ABCC8: variants seen among roughly 807,000 people sequenced by gnomAD.
ABCC8 encodes the protein ATP binding cassette subfamily C member 8.
ABCC8 carries 137 observed loss-of-function variants against 188.0 expected under a neutral mutation model. The observed-to-expected ratio is 0.73, with a 90% CI of 0.63 to 0.84. The LOEUF (loss-of-function observed/expected upper bound fraction) is 0.84. ABCC8 is among the 40% of genes least tolerant of loss of function. The pLI is 0.00. For missense variants in ABCC8, 1,750 were observed against 2,072.7 expected, an observed-to-expected ratio of 0.84 and a Z score of 3.02; for synonymous variants, 797 against 846.5, an observed-to-expected ratio of 0.94 and a Z score of 1.01.
intron 10 of ABCC8, among the ~76,000 whole-genome samples, chr11:17,434,662 C>T (rs777543774): frequency 3.9e-5 from 6 of 152,000 alleles, no homozygotes; most frequent in Non-Finnish European, 5.9e-5. Context: ...GCACATTTTC[C>T]CTGGTCATGG....
chr11:17,463,388 G>A (rs1847943305), intron 4 of ABCC8, 50 bp downstream of exon 4: 1 of 1,485,526 alleles, frequency 6.7e-7, no homozygotes, highest in African/African-American at 1.4e-5. Context: ...GCAGGACAGA[G>A]GCCAGAGCCT....
chr11:17,454,332 A>T (rs1440281480), intron 6 of ABCC8, among the ~76,000 whole-genome samples: 1 of 152,186 alleles, frequency 6.6e-6, no homozygotes, highest in African/African-American at 2.4e-5. Flanking sequence ...GCCAGCCCTC[A>T]CTGCTCCCTG....
In ABCC8 at chr11:17,428,567, C is replaced by T; in HGVS notation, c.1921G>A (p.Val641Met). ...PQGPASKYQA[V>M]PLRVVNRKRP... ...GCAAGGGGAGGCCGGGCACTCACCA[C>T]CGCCTGGTACTTGCTGGCTGGGCCC... Residue 641 changes from valine (V) to methionine (M), a missense_variant and splice_region_variant, in exon 13 of 39, where the codon GTG becomes ATG. Val to Met is a conservative substitution (Grantham distance 21, BLOSUM62 1). Transcript: ENST00000389817. The T allele has an allele frequency of 2.5e-6, 4 of 1,614,060 alleles. No homozygotes were observed. The highest frequency in any genetic ancestry group is 3.4e-6 in the Non-Finnish European group (4 of 1,180,006).
intron 6 of ABCC8, among the ~76,000 whole-genome samples, chr11:17,457,387 C>A (rs1358561052): frequency 6.6e-6 from 1 of 152,172 alleles, no homozygotes; most frequent in Non-Finnish European, 1.5e-5. Flanking sequence ...TACACCCTCC[C>A]AAACCTACAC....
chr11:17,468,628 C>T (rs991461380), intron 3 of ABCC8, among the ~76,000 whole-genome samples: 2 of 152,188 alleles, frequency 1.3e-5, no homozygotes, highest in Non-Finnish European at 2.9e-5. Flanking sequence ...GTACCTACCT[C>T]ATAGAGTTGT....
At chr11:17,434,811 T>C (rs1956004993) in intron 10 of ABCC8, among the ~76,000 whole-genome samples, 1 of 152,188 alleles carries the variant, frequency 6.6e-6, no homozygotes, top group Admixed American at 6.5e-5. Context: ...AGTATGCTTC[T>C]GATATAATTA....
intron 35 of ABCC8, 129 bp from the exon 36 acceptor site, chr11:17,395,404 G>A (rs1330545721): frequency 2.0e-6 from 3 of 1,520,580 alleles, no homozygotes; most frequent in East Asian, 2.5e-5. Flanking sequence ...CCGAGGTGGT[G>A]GCAGTGGGTG....
At position 17,395,724 on chromosome 11, in the gene ABCC8, T is replaced by G; in HGVS notation, c.4199-6A>C. ...GCCATCAATGATGATGTGCCCTGCA[T>G]GGGTCCCAGTGAGGGTGCAGGGGAA... On this transcript the variant is annotated splice_polypyrimidine_tract_variant and splice_region_variant and intron_variant, in intron 34 of 38. Coordinates refer to ENST00000389817, the MANE Select transcript of ABCC8 (RefSeq NM_000352.6). The G allele has an allele frequency of 6.4e-7, 1 of 1,553,084 alleles. No homozygotes were observed. The highest frequency in any genetic ancestry group is 8.7e-7 in the Non-Finnish European group (1 of 1,147,722).
In ABCC8 at chr11:17,406,262, G is replaced by A. The variant is rs375125532; in HGVS notation, c.3329+360C>T. On this transcript the variant is annotated intron_variant, in intron 26 of 38. Coordinates refer to ENST00000389817, the MANE Select transcript of ABCC8 (RefSeq NM_000352.6). ...CCAGTGTCAAAACCTGAGGCTGGCT[G>A]AGGGAGAGAGAGTGAGGGGAGGGCA... Among the ~76,000 whole-genome samples the A allele has an allele frequency of 2.4e-4, 37 of 152,316 alleles. No individual in the cohort carries two copies. The East Asian group carries it at 6.6e-3, about 27-fold the overall frequency.
chr11:17,409,214 C>T (rs893352641), intron 22 of ABCC8, among the ~76,000 whole-genome samples: 1 of 152,048 alleles, frequency 6.6e-6, no homozygotes, highest in Non-Finnish European at 1.5e-5. Context: ...GCCTTGGCCT[C>T]CCAAGGTGCT....
At chr11:17,451,875 T>C (rs2283259) in intron 7 of ABCC8, among the ~76,000 whole-genome samples, 51,518 of 152,158 alleles carry the variant, frequency 0.34, 9,036 homozygotes, top group Middle Eastern at 0.51. Flanking sequence ...GTATTACCAT[T>C]TTAAAAGGAA....
intron 16 of ABCC8, among the ~76,000 whole-genome samples, chr11:17,421,513 C>A (rs879598405): frequency 1.3e-5 from 2 of 152,176 alleles, no homozygotes; most frequent in Admixed American, 1.3e-4. Flanking sequence ...GTGAGACAAA[C>A]AAAATATGGT....
chr11:17,425,331 T>C (rs537761099), intron 16 of ABCC8, among the ~76,000 whole-genome samples: 15 of 152,172 alleles, frequency 9.9e-5, no homozygotes, highest in Non-Finnish European at 1.8e-4. Flanking sequence ...TTCAGGGACA[T>C]CTTGGAAATG....
rs1426055182 is a variant in ABCC8, at chr11:17,463,516, T to C, written c.501A>G (p.Leu167=). ...FLDHAIGFSQ[L]RFCLTGLLVI... ...CCAGCAGCCCTGTGAGGCAGAAGCG[T>C]AGCTGCGAGAAGCCGATGGCGTGGT... Residue 167 remains leucine (L), a synonymous_variant, in exon 4 of 39, where the codon CTA becomes CTG. Coordinates refer to ENST00000389817, the MANE Select transcript of ABCC8 (RefSeq NM_000352.6). 28 of 1,600,926 alleles carry C rather than the reference T, an allele frequency of 1.7e-5. No individual in the cohort carries two copies. The highest frequency in any genetic ancestry group is 2.3e-5 in the Non-Finnish European group (27 of 1,174,144).
intron 29 of ABCC8, among the ~76,000 whole-genome samples, chr11:17,400,203 T>G (rs1016308738): frequency 2.6e-5 from 4 of 151,818 alleles, no homozygotes; most frequent in African/African-American, 9.7e-5. Flanking sequence ...GGTTCTGAGG[T>G]GGGAGAGAGC....
Position 17,407,473 on chromosome 11 carries a change from T to G in ABCC8, c.2821-20A>C. 1 of 1,614,138 alleles carries G rather than the reference T, an allele frequency of 6.2e-7. No individual in the cohort carries two copies. The highest frequency in any genetic ancestry group is 8.5e-7 in the Non-Finnish European group (1 of 1,180,020). ...AGTCTCCTAAAAGACAGATGTGGCC[T>G]GGGCAATGTCTTCAGGATATATGGT... On this transcript the variant is annotated intron_variant, in intron 23 of 38. Coordinates refer to ENST00000389817, the MANE Select transcript of ABCC8 (RefSeq NM_000352.6).
At chr11:17,474,614 G>A (rs1406942574) in intron 2 of ABCC8, among the ~76,000 whole-genome samples, 1 of 151,772 alleles carries the variant, frequency 6.6e-6, no homozygotes, top group East Asian at 1.9e-4. Flanking sequence ...CACTGGAGTT[G>A]TGGCATTCTA....
intron 17 of ABCC8, 58 bp downstream of exon 17, chr11:17,416,872 C>G: frequency 6.3e-7 from 1 of 1,599,146 alleles, no homozygotes; most frequent in Non-Finnish European, 8.6e-7. Context: ...GTCCTCCACC[C>G]CCACCCTACC....
At chr11:17,469,024 C>T (rs2237973) in intron 3 of ABCC8, among the ~76,000 whole-genome samples, 62,109 of 149,112 alleles carry the variant, frequency 0.42, 13,687 homozygotes, top group African/African-American at 0.57. Context: ...CCCAGGTGAC[C>T]TCATCCAGGC....
Sources: gnomAD v4.1 joint callset for allele counts (sites outside exome capture counted in the v4.1 genomes callset) on GRCh38, gnomAD v4.1.1 for gene constraint, MANE v1.5 for transcripts, NCBI Gene and HGNC (gene_info 2026-07-23, HGNC 2026-07-21) for gene names.